Variants in SLC25A21 observed in about 807,000 individuals in gnomAD.
SLC25A21 encodes solute carrier family 25 member 21.
SLC25A21 carries 47 observed loss-of-function variants against 43.8 expected under a neutral mutation model. The observed-to-expected ratio is 1.07, with a 90% CI of 0.85 to 1.37. SLC25A21 has a LOEUF of 1.37. SLC25A21 is among the 40% of genes most tolerant of loss of function. The pLI is 0.00. For missense variants in SLC25A21, 352 were observed against 350.2 expected (o/e 1.00, Z -0.04); for synonymous variants, 131 against 121.3 (o/e 1.08, Z -0.52).
chr14:36,933,660 C>T (rs1352424862), intron 1 of SLC25A21, among the ~76,000 whole-genome samples: 1 of 152,128 alleles, frequency 6.6e-6, no homozygotes, highest in Non-Finnish European at 1.5e-5. Context: ...CACCAGCCTC[C>T]ACATCAGAAC....
chr14:37,110,368 C>T (rs1333623291), intron 1 of SLC25A21, among the ~76,000 whole-genome samples: 3 of 152,136 alleles, frequency 2.0e-5, no homozygotes, highest in Non-Finnish European at 2.9e-5. Flanking sequence ...ACCTAATAGG[C>T]TTATGGAGAA....
chr14:37,058,770 G>A (rs894583596), intron 1 of SLC25A21, among the ~76,000 whole-genome samples: 1 of 152,176 alleles, frequency 6.6e-6, no homozygotes, highest in African/African-American at 2.4e-5. Flanking sequence ...GTTCTGCTGA[G>A]GCTGATACTT....
intron 2 of SLC25A21, among the ~76,000 whole-genome samples, chr14:36,858,652 C>T (rs1343898960): frequency 6.6e-6 from 1 of 152,130 alleles, no homozygotes; most frequent in Non-Finnish European, 1.5e-5. Context: ...GAATGCTTCC[C>T]TCTTTTCTCC....
At chr14:37,162,547 C>T (rs1183592641) in intron 1 of SLC25A21, among the ~76,000 whole-genome samples, 1 of 152,180 alleles carries the variant, frequency 6.6e-6, no homozygotes, top group Non-Finnish European at 1.5e-5. Context: ...AAAATGCTCA[C>T]CATCACTGGC....
chr14:36,764,079 A>AGAAAGAAGGAAGGAAGGAAG (rs1555326615), intron 3 of SLC25A21, among the ~76,000 whole-genome samples: 16 of 41,858 alleles, frequency 3.8e-4, no homozygotes, highest in African/African-American at 2.7e-3. Context: ...AAAGAAAGAA[A>AGAAAGAAGGAAGGAAGGAAG]GAAGGAAGGA....
chr14:36,847,095 C>G (rs1202548330), intron 2 of SLC25A21, among the ~76,000 whole-genome samples: 1 of 152,128 alleles, frequency 6.6e-6, no homozygotes, highest in Non-Finnish European at 1.5e-5. Flanking sequence ...CTGTTGGGGT[C>G]TTTTGTAACA....
chr14:36,810,846 G>A (rs1050917707), intron 3 of SLC25A21, among the ~76,000 whole-genome samples: 7 of 57,646 alleles, frequency 1.2e-4, no homozygotes, highest in Middle Eastern at 0.013. Context: ...CCAGGATGGT[G>A]CGTGCTATAT....
chr14:36,799,623 T>C (rs973510417), intron 3 of SLC25A21, among the ~76,000 whole-genome samples: 8 of 152,194 alleles, frequency 5.3e-5, no homozygotes, highest in Admixed American at 1.3e-4. Context: ...AAAAGAAGAA[T>C]TTATGTTTTT....
At chr14:36,862,153 T>C (rs1256538937) in intron 2 of SLC25A21, among the ~76,000 whole-genome samples, 1 of 152,134 alleles carries the variant, frequency 6.6e-6, no homozygotes, top group East Asian at 1.9e-4. Context: ...TGCTTTTACA[T>C]GGTTGGTGGG....
intron 1 of SLC25A21, among the ~76,000 whole-genome samples, chr14:36,954,422 C>G (rs2022719): frequency 0.35 from 53,496 of 151,694 alleles, 10,016 homozygotes; most frequent in African/African-American, 0.47. Context: ...GACTTCCCAA[C>G]GTCCTTGCTG....
intron 1 of SLC25A21, among the ~76,000 whole-genome samples, chr14:36,930,530 T>A (rs918957557): frequency 3.3e-5 from 5 of 152,126 alleles, no homozygotes; most frequent in African/African-American, 1.2e-4. Context: ...TTGCCTTATA[T>A]CGATCTGTAA....
At chr14:36,761,499 G>T (rs370007805) in intron 3 of SLC25A21, among the ~76,000 whole-genome samples, 36 of 152,336 alleles carry the variant, frequency 2.4e-4, no homozygotes, top group African/African-American at 7.9e-4. Flanking sequence ...AAAATGATTT[G>T]CAACAATTAC....
At chr14:36,733,298 A>G (rs1884904733) in intron 4 of SLC25A21, among the ~76,000 whole-genome samples, 2 of 152,192 alleles carry the variant, frequency 1.3e-5, no homozygotes, top group Admixed American at 6.5e-5. Flanking sequence ...TCATAATTCA[A>G]TTCAGCTCTT....
intron 3 of SLC25A21, among the ~76,000 whole-genome samples, chr14:36,811,813 T>A (rs528819639): frequency 6.6e-6 from 1 of 152,356 alleles, no homozygotes; most frequent in Admixed American, 6.5e-5. Flanking sequence ...AATTATCAGC[T>A]GGATTAAAAA....
chr14:36,832,751 T>C (rs1228701202), intron 2 of SLC25A21, among the ~76,000 whole-genome samples: 1 of 152,214 alleles, frequency 6.6e-6, no homozygotes, highest in Non-Finnish European at 1.5e-5. Flanking sequence ...GATTATTTTT[T>C]AAACACTATA....
intron 3 of SLC25A21, among the ~76,000 whole-genome samples, chr14:36,780,025 T>A (rs994511618): frequency 6.6e-6 from 1 of 151,998 alleles, no homozygotes; most frequent in Non-Finnish European, 1.5e-5. Flanking sequence ...ATCGTACTTC[T>A]TATTGATCTG....
At chr14:37,112,447 G>A (rs1791989800) in intron 1 of SLC25A21, among the ~76,000 whole-genome samples, 1 of 152,142 alleles carries the variant, frequency 6.6e-6, no homozygotes, top group Non-Finnish European at 1.5e-5. Flanking sequence ...AGAGTGCTTT[G>A]GCACAGACCA....
intron 2 of SLC25A21, among the ~76,000 whole-genome samples, chr14:36,855,996 T>C (rs1889885559): frequency 6.6e-6 from 1 of 152,152 alleles, no homozygotes; most frequent in South Asian, 2.1e-4. Flanking sequence ...CAGTCTACAG[T>C]GCTGCAGACA....
intron 1 of SLC25A21, among the ~76,000 whole-genome samples, chr14:36,967,312 C>T (rs558454846): frequency 6.6e-6 from 1 of 152,138 alleles, no homozygotes; most frequent in Non-Finnish European, 1.5e-5. Flanking sequence ...CCTGATGTCC[C>T]CTATTTATAT....
Sources: allele counts gnomAD v4.1 joint callset (sites outside exome capture counted in the v4.1 genomes callset), GRCh38; gene constraint gnomAD v4.1.1; transcripts MANE v1.5; gene names NCBI Gene and HGNC (gene_info 2026-07-23, HGNC 2026-07-21).